Variants in LRP1B observed in about 807,000 individuals in gnomAD.
The protein encoded by LRP1B is LDL receptor related protein 1B, also known as low-density lipoprotein receptor-related protein 1B.
A neutral mutation model predicts 556.6 loss-of-function variants in LRP1B; 217 were observed. That is an observed-to-expected ratio of 0.39 (90% CI 0.35 to 0.44). The LOEUF (loss-of-function observed/expected upper bound fraction) is 0.44. Ranked by LOEUF, LRP1B falls within the 20% of genes least tolerant of loss-of-function variation. The pLI is 1.00. For missense variants in LRP1B, 5,053 were observed against 5,620.8 expected, an observed-to-expected ratio of 0.90 and a Z score of 3.23; for synonymous variants, 2,047 against 1,865.8, an observed-to-expected ratio of 1.10 and a Z score of -2.50.
intron 60 of LRP1B, among the ~76,000 whole-genome samples, chr2:140,460,565 T>C (rs1270121529): frequency 6.6e-6 from 1 of 152,286 alleles, no homozygotes; most frequent in East Asian, 1.9e-4. Context: ...CAGTTGTCTA[T>C]ATAAAACTGC....
chr2:141,101,403 A>G (rs1700458246), intron 7 of LRP1B, among the ~76,000 whole-genome samples: 1 of 152,172 alleles, frequency 6.6e-6, no homozygotes, highest in African/African-American at 2.4e-5. Context: ...AATAAAGGGA[A>G]AAGAAAGAAG....
intron 2 of LRP1B, among the ~76,000 whole-genome samples, chr2:141,532,781 G>A (rs955826496): frequency 3.9e-5 from 6 of 151,942 alleles, no homozygotes; most frequent in Non-Finnish European, 5.9e-5. Flanking sequence ...AGGTCAGGAG[G>A]TTGAGAACAG....
chr2:140,584,045 T>C (rs1681885985), intron 43 of LRP1B, among the ~76,000 whole-genome samples: 1 of 152,064 alleles, frequency 6.6e-6, no homozygotes, highest in Non-Finnish European at 1.5e-5. Flanking sequence ...AAAATAATAA[T>C]TAGTTTTAAT....
chr2:141,168,542 A>G (rs1680363199), intron 7 of LRP1B, among the ~76,000 whole-genome samples: 1 of 152,120 alleles, frequency 6.6e-6, no homozygotes, highest in Non-Finnish European at 1.5e-5. Flanking sequence ...AAAATTTTGC[A>G]ATTCAGTCTG....
intron 21 of LRP1B, among the ~76,000 whole-genome samples, chr2:140,914,000 T>C (rs1446511388): frequency 6.6e-6 from 1 of 152,088 alleles, no homozygotes; most frequent in Non-Finnish European, 1.5e-5. Context: ...ATGAAGCAGT[T>C]TGGGGCCCCT....
At chr2:141,622,063 G>C (rs943042555) in intron 2 of LRP1B, among the ~76,000 whole-genome samples, 4 of 151,932 alleles carry the variant, frequency 2.6e-5, no homozygotes, top group African/African-American at 9.7e-5. Flanking sequence ...AGCTAATTTT[G>C]TATTTTTAGT....
intron 31 of LRP1B, among the ~76,000 whole-genome samples, chr2:140,838,551 AATC>A (rs1691994176): frequency 1.3e-5 from 2 of 152,172 alleles, no homozygotes; most frequent in South Asian, 4.1e-4. Flanking sequence ...ACCTTTATTG[AATC>A]ATCACTATGA....
At chr2:140,748,673 A>G (rs1286060896) in intron 35 of LRP1B, among the ~76,000 whole-genome samples, 4 of 123,682 alleles carry the variant, frequency 3.2e-5, no homozygotes, top group Admixed American at 9.5e-5. Context: ...TGTTAACACA[A>G]TATTATTGCT....
rs1236520118 is a variant in LRP1B at position 140,314,981 on chromosome 2, A to G, written c.12759T>C (p.Cys4253=). ...YSGERCEVNH[C]SNYCQNGGTC... ...TTCCTCCATTCTGGCAGTAGTTGCT[A>G]CAGTGGTTGACTTCACATCTTTCTC... is the stretch of plus-strand genomic sequence containing the variant. The change falls in exon 83 of 91, where the codon TGT becomes TGC. Residue 4253 remains cysteine (C), a synonymous_variant. Coordinates refer to ENST00000389484, the MANE Select transcript of LRP1B (RefSeq NM_018557.3). 1.2e-6 allele frequency: 2 copies of G among 1,611,314 alleles called. No individual in the cohort carries two copies. The highest frequency in any genetic ancestry group is 3.4e-5 in the Admixed American group (2 of 59,652).
chr2:140,379,562 G>T (rs939514205), intron 67 of LRP1B, among the ~76,000 whole-genome samples: 3 of 152,132 alleles, frequency 2.0e-5, no homozygotes, highest in Non-Finnish European at 4.4e-5. Flanking sequence ...TGCCTTGGTG[G>T]CAGGCGCCTG....
chr2:140,652,891 T>C (rs1684740510), intron 41 of LRP1B, among the ~76,000 whole-genome samples: 1 of 152,070 alleles, frequency 6.6e-6, no homozygotes, highest in South Asian at 2.1e-4. Flanking sequence ...AAAATAGTAA[T>C]ACAAAGCTTG....
chr2:141,119,616 T>C (rs951887499), intron 7 of LRP1B, among the ~76,000 whole-genome samples: 3 of 151,788 alleles, frequency 2.0e-5, no homozygotes, highest in Admixed American at 6.6e-5. Flanking sequence ...GAAAAGCACA[T>C]TGTCCTGAAG....
chr2:140,949,870 C>G (rs1310517039), intron 20 of LRP1B, among the ~76,000 whole-genome samples: 2 of 116,186 alleles, frequency 1.7e-5, no homozygotes, highest in African/African-American at 7.2e-5. Context: ...ACCCGGGAGG[C>G]GGAGCTTGCA....
At chr2:141,768,365 C>G (rs1054078659) in intron 2 of LRP1B, among the ~76,000 whole-genome samples, 2 of 151,400 alleles carry the variant, frequency 1.3e-5, no homozygotes, top group African/African-American at 4.9e-5. Flanking sequence ...ATCTCATTAT[C>G]TCTTATTAAT....
chr2:141,362,450 T>C (rs757889891), intron 3 of LRP1B, among the ~76,000 whole-genome samples: 13 of 152,130 alleles, frequency 8.5e-5, no homozygotes, highest in Non-Finnish European at 1.6e-4. Context: ...AATCAGCAGA[T>C]GGACAGCGCA....
chr2:140,867,899 A>T (rs757456828), intron 26 of LRP1B, 65 bp from the exon 27 acceptor site: 2 of 1,437,624 alleles, frequency 1.4e-6, no homozygotes, highest in Non-Finnish European at 1.9e-6. Context: ...AGACATAATC[A>T]TGTAACTCAG....
chr2:142,123,791 G>A (rs1177144838), intron 1 of LRP1B, among the ~76,000 whole-genome samples: 1 of 151,450 alleles, frequency 6.6e-6, no homozygotes, highest in African/African-American at 2.4e-5. Flanking sequence ...AAATACACAA[G>A]CTTATATCTG....
intron 35 of LRP1B, among the ~76,000 whole-genome samples, chr2:140,720,653 G>A (rs916684722): frequency 3.3e-5 from 5 of 151,962 alleles, no homozygotes; most frequent in African/African-American, 1.2e-4. Context: ...GGAAATAAAA[G>A]TGTTTTAAAG....
intron 41 of LRP1B, among the ~76,000 whole-genome samples, chr2:140,625,388 C>T (rs1683619213): frequency 6.6e-6 from 1 of 152,088 alleles, no homozygotes; most frequent in Non-Finnish European, 1.5e-5. Context: ...AAGCTGGAGT[C>T]CATTAAACTT....
Sources: gnomAD v4.1 joint callset for allele counts (sites outside exome capture counted in the v4.1 genomes callset) on GRCh38, gnomAD v4.1.1 for gene constraint, MANE v1.5 for transcripts, NCBI Gene and HGNC (gene_info 2026-07-23, HGNC 2026-07-21) for gene names.